KAZN: variants seen among roughly 807,000 people sequenced by gnomAD.
KAZN encodes kazrin.
KAZN carries 40 observed loss-of-function variants against 87.4 expected under a neutral mutation model. The observed-to-expected ratio is 0.46, with a 90% CI of 0.36 to 0.60. KAZN has a LOEUF of 0.60. Ranked by LOEUF, KAZN falls within the 20% of genes least tolerant of loss-of-function variation. The pLI is 0.00. For synonymous variants in KAZN, 466 were observed against 458.3 expected (o/e 1.02, Z -0.22); for missense variants, 898 against 1,073.9 (o/e 0.84, Z 2.29).
At chr1:14,367,504 C>T (rs1660112059) in intron 2 of KAZN, among the ~76,000 whole-genome samples, 1 of 152,114 alleles carries the variant, frequency 6.6e-6, no homozygotes. Flanking sequence ...GAAAAGGCAA[C>T]ATTTGAGCAG....
At chr1:15,064,798 C>T (rs1157501916) in intron 7 of KAZN, among the ~76,000 whole-genome samples, 3 of 152,338 alleles carry the variant, frequency 2.0e-5, no homozygotes, top group Non-Finnish European at 4.4e-5. Flanking sequence ...TGCCCTGGCA[C>T]GGCAGACAGG....
At chr1:13,961,913 C>T (rs748021238) in intron 1 of KAZN, among the ~76,000 whole-genome samples, 5 of 152,192 alleles carry the variant, frequency 3.3e-5, no homozygotes, top group Non-Finnish European at 7.3e-5. Context: ...CCTATTTGAA[C>T]GTGGCCCTGC....
intron 1 of KAZN, among the ~76,000 whole-genome samples, chr1:14,764,435 C>T (rs969056125): frequency 6.7e-6 from 1 of 148,768 alleles, no homozygotes. Context: ...TTTTCCCAAC[C>T]TTCTAACATG....
At chr1:14,586,523 TG>T (rs199827282) in intron 2 of KAZN, among the ~76,000 whole-genome samples, 1 of 142,940 alleles carries the variant, frequency 7.0e-6, no homozygotes, top group South Asian at 2.2e-4. Flanking sequence ...TTTTTCTTTC[TG>T]GTTTTTTTTT....
At chr1:14,721,783 A>G (rs148825873) in intron 1 of KAZN, among the ~76,000 whole-genome samples, 188 of 152,332 alleles carry the variant, frequency 1.2e-3, no homozygotes, top group African/African-American at 4.3e-3. Flanking sequence ...CTAATTGTCA[A>G]TCAACCCCTC....
At chr1:14,659,375 T>G (rs942960936) in intron 1 of KAZN, among the ~76,000 whole-genome samples, 1 of 152,046 alleles carries the variant, frequency 6.6e-6, no homozygotes, top group Admixed American at 6.6e-5. Flanking sequence ...CTTTTAACCT[T>G]AATGAAATCT....
intron 1 of KAZN, among the ~76,000 whole-genome samples, chr1:13,960,611 A>G (rs1015692069): frequency 5.3e-5 from 8 of 152,256 alleles, no homozygotes; most frequent in African/African-American, 1.9e-4. Context: ...AATGCATCAC[A>G]TTGACGCCGG....
chr1:14,718,415 C>T (rs1436511158), intron 1 of KAZN, among the ~76,000 whole-genome samples: 4 of 152,222 alleles, frequency 2.6e-5, no homozygotes, highest in African/African-American at 4.8e-5. Context: ...GGCATGTGGA[C>T]GTCCTTGCGG....
At chr1:14,362,122 T>C (rs1230609943) in intron 2 of KAZN, among the ~76,000 whole-genome samples, 1 of 152,178 alleles carries the variant, frequency 6.6e-6, no homozygotes, top group Non-Finnish European at 1.5e-5. Flanking sequence ...CATTTATTAT[T>C]CCACCGTCTC....
At chr1:14,994,527 C>T (rs1307131377) in intron 2 of KAZN, among the ~76,000 whole-genome samples, 4 of 152,246 alleles carry the variant, frequency 2.6e-5, no homozygotes, top group South Asian at 2.1e-4. Context: ...TCAGTGACTC[C>T]GGGTCACCCC....
At chr1:14,997,583 T>A (rs1668027336) in intron 2 of KAZN, among the ~76,000 whole-genome samples, 2 of 152,090 alleles carry the variant, frequency 1.3e-5, no homozygotes, top group Non-Finnish European at 2.9e-5. Context: ...GGCTGTCGGC[T>A]CCAGGAGAGC....
At chr1:14,504,764 C>G (rs978689360) in intron 2 of KAZN, among the ~76,000 whole-genome samples, 1 of 152,182 alleles carries the variant, frequency 6.6e-6, no homozygotes, top group Non-Finnish European at 1.5e-5. Context: ...CCTGCTCCAC[C>G]CTCTGAGGTA....
At chr1:13,973,603 G>A (rs1642208563) in intron 1 of KAZN, among the ~76,000 whole-genome samples, 1 of 152,196 alleles carries the variant, frequency 6.6e-6, no homozygotes, top group Non-Finnish European at 1.5e-5. Context: ...TCCAGTGTTT[G>A]TAGCCCAAGG....
chr1:14,960,576 G>GCCT, intron 1 of KAZN, 108 bp from the exon 2 acceptor site: 1 of 1,181,860 alleles, frequency 8.5e-7, no homozygotes, highest in Non-Finnish European at 1.2e-6. Flanking sequence ...GAAAGGCCCT[G>GCCT]AATGCAGAGC....
intron 2 of KAZN, among the ~76,000 whole-genome samples, chr1:14,556,544 C>A (rs1673890540): frequency 6.6e-6 from 1 of 152,062 alleles, no homozygotes. Flanking sequence ...GGTGAATTTT[C>A]CAGCTGCCTC....
intron 1 of KAZN, among the ~76,000 whole-genome samples, chr1:14,041,228 A>G (rs1471610385): frequency 2.0e-5 from 3 of 151,866 alleles, no homozygotes; most frequent in Non-Finnish European, 4.4e-5. Flanking sequence ...ACTTTCTTAC[A>G]CCCCTCTTTC....
chr1:14,517,975 A>G (rs1304942600), intron 2 of KAZN, among the ~76,000 whole-genome samples: 1 of 152,126 alleles, frequency 6.6e-6, no homozygotes, highest in African/African-American at 2.4e-5. Context: ...CCAAGCACCT[A>G]CTGTCTGTTT....
chr1:14,918,474 G>A (rs1658056242), intron 1 of KAZN, among the ~76,000 whole-genome samples: 1 of 151,506 alleles, frequency 6.6e-6, no homozygotes, highest in Non-Finnish European at 1.5e-5. Flanking sequence ...TCAGGAGTTC[G>A]AGACCAGCCA....
intron 1 of KAZN, among the ~76,000 whole-genome samples, chr1:14,890,531 G>A (rs1179950375): frequency 2.0e-5 from 3 of 149,884 alleles, no homozygotes; most frequent in South Asian, 2.1e-4. Flanking sequence ...CTTTCTGCCC[G>A]CCTTTTAAAA....
Sources: allele counts gnomAD v4.1 joint callset (sites outside exome capture counted in the v4.1 genomes callset), GRCh38; gene constraint gnomAD v4.1.1; transcripts MANE v1.5; gene names NCBI Gene and HGNC (gene_info 2026-07-23, HGNC 2026-07-21).